Variants in IQCM observed in about 807,000 individuals in gnomAD.
IQCM encodes the protein IQ motif containing M.
IQCM carries 45 observed loss-of-function variants against 57.6 expected under a neutral mutation model. That is an observed-to-expected ratio of 0.78 (90% CI 0.62 to 1.00). The LOEUF is 1.00. IQCM is among the 50% of genes least tolerant of loss of function. The pLI, the probability that IQCM is intolerant of heterozygous loss-of-function variation, is 0.00. For synonymous variants in IQCM, 148 were observed against 158.9 expected (o/e 0.93, Z 0.51); for missense variants, 468 against 511.6 (o/e 0.91, Z 0.82).
intron 13 of IQCM, among the ~76,000 whole-genome samples, chr4:149,391,566 A>G (rs1731858740): frequency 1.3e-5 from 2 of 151,478 alleles, no homozygotes; most frequent in South Asian, 4.2e-4. Context: ...CTACTTCTGG[A>G]TTCATAAGGT....
chr4:149,431,931 T>TTTTATATA (rs1553963969), intron 13 of IQCM, among the ~76,000 whole-genome samples: 7 of 146,658 alleles, frequency 4.8e-5, no homozygotes, highest in African/African-American at 1.7e-4. Context: ...ATAATGTTGA[T>TTTTATATA]TATATATATA....
At chr4:149,396,044 GT>G (rs1195217168) in intron 13 of IQCM, among the ~76,000 whole-genome samples, 10 of 151,876 alleles carry the variant, frequency 6.6e-5, no homozygotes, top group South Asian at 6.2e-4. Context: ...TATATTTTTA[GT>G]TTTTTAACAG....
chr4:149,689,581 G>C (rs1035639448), intron 5 of IQCM, among the ~76,000 whole-genome samples: 1 of 151,852 alleles, frequency 6.6e-6, no homozygotes, highest in Non-Finnish European at 1.5e-5. Context: ...AAATATTTGG[G>C]ACTTAATTAA....
intron 12 of IQCM, among the ~76,000 whole-genome samples, chr4:149,503,490 ATAAAAT>A (rs1289561972): frequency 6.6e-6 from 1 of 152,174 alleles, no homozygotes; most frequent in African/African-American, 2.4e-5. Context: ...ATATTAAATA[ATAAAAT>A]TAAATGACAC....
rs557645857 is a variant in IQCM, at chr4:149,453,997, T to C, written c.1229-20440A>G. Reference sequence around the variant, plus strand: ...AACTGATGAGTAGGTAAACAAATGTTCATCAACTGATGAGTAGGTAAACAA... The same window carrying C: ...AACTGATGAGTAGGTAAACAAATGTCCATCAACTGATGAGTAGGTAAACAA... On this transcript the variant is annotated intron_variant, in intron 12 of 13. Transcript: ENST00000636793. 4.0e-5 allele frequency among the ~76,000 whole-genome samples: 6 copies of C among 151,874 alleles called. No individual in the cohort carries two copies. In the South Asian group the frequency reaches 1.2e-3, roughly 32 times the overall value.
At chr4:149,465,659 G>A (rs1738777104) in intron 12 of IQCM, among the ~76,000 whole-genome samples, 1 of 151,972 alleles carries the variant, frequency 6.6e-6, no homozygotes, top group Non-Finnish European at 1.5e-5. Context: ...CTACTTGTAG[G>A]ACCCTCTCCC....
At chr4:149,688,228 A>G (rs1468896544) in intron 5 of IQCM, among the ~76,000 whole-genome samples, 1 of 152,000 alleles carries the variant, frequency 6.6e-6, no homozygotes, top group African/African-American at 2.4e-5. Flanking sequence ...AAGTTCCTAG[A>G]ACTGATAAAA....
chr4:149,813,469 T>C (rs1297763552), intron 2 of IQCM, among the ~76,000 whole-genome samples: 1 of 151,988 alleles, frequency 6.6e-6, no homozygotes, highest in East Asian at 1.9e-4. Flanking sequence ...GAAAGCTCAA[T>C]CTTAAGTCAG....
intron 7 of IQCM, among the ~76,000 whole-genome samples, chr4:149,647,346 T>C (rs1214328081): frequency 6.6e-6 from 1 of 152,142 alleles, no homozygotes; most frequent in Admixed American, 6.5e-5. Flanking sequence ...AGAACATTTT[T>C]TTTTTATTCT....
chr4:149,457,761 TCTA>T (rs1477437518), intron 12 of IQCM, among the ~76,000 whole-genome samples: 1 of 152,066 alleles, frequency 6.6e-6, no homozygotes, highest in Admixed American at 6.6e-5. Context: ...ATTTTAGAAT[TCTA>T]CTGTTTTCTG....
At chr4:149,729,434 TA>T (rs1255183496) in intron 5 of IQCM, among the ~76,000 whole-genome samples, 1 of 151,890 alleles carries the variant, frequency 6.6e-6, no homozygotes, top group Non-Finnish European at 1.5e-5. Context: ...TGCCTGACAA[TA>T]ACCACACTCA....
intron 13 of IQCM, among the ~76,000 whole-genome samples, chr4:149,414,371 T>C (rs1366014645): frequency 6.6e-6 from 1 of 152,136 alleles, no homozygotes; most frequent in Non-Finnish European, 1.5e-5. Flanking sequence ...GAGATTTCCT[T>C]TCACGATGAC....
chr4:149,471,217 T>G, intron 12 of IQCM, among the ~76,000 whole-genome samples: 1 of 151,876 alleles, frequency 6.6e-6, no homozygotes, highest in South Asian at 2.1e-4. Flanking sequence ...TTGATAGACC[T>G]CTAGCAAGAC....
chr4:149,594,729 G>T (rs1753590840), intron 8 of IQCM, among the ~76,000 whole-genome samples: 1 of 152,154 alleles, frequency 6.6e-6, no homozygotes, highest in African/African-American at 2.4e-5. Flanking sequence ...TAGTCATTCA[G>T]GAGCAGGTTG....
In IQCM at chr4:149,588,009, A is replaced by G. The variant is rs1752795241; in HGVS notation, c.682-12T>C. 9.3e-6 allele frequency: 11 copies of G among 1,183,266 alleles called. No homozygotes were observed. The highest frequency in any genetic ancestry group is 6.4e-5 in the East Asian group (2 of 31,266). The allele number at this position is 1,183,266 out of a possible 1,614,324, so 73.3% of individuals were successfully genotyped here. On this transcript the variant is annotated splice_polypyrimidine_tract_variant and intron_variant, in intron 8 of 13. Coordinates refer to ENST00000636793, the MANE Select transcript of IQCM (RefSeq NM_001363507.2). ...GTTTTAAAGGTTTTCTATAATAAGG[A>G]AAAGAAGAGTTGACATAAGTAGAAA...
rs140939999 is a variant in IQCM at position 149,419,748 on chromosome 4, A to C, written c.1390+13648T>G. 7.8e-3 allele frequency among the ~76,000 whole-genome samples: 1,182 copies of C among 152,278 alleles called. 21 individuals carry two copies. Among genetic ancestry groups the C allele is most frequent in the African/African-American group, 0.027 (1,123 of 41,548 alleles). On this transcript the variant is annotated intron_variant, in intron 13 of 13. Coordinates refer to ENST00000636793, the MANE Select transcript of IQCM (RefSeq NM_001363507.2). ...AAATCTTGCAATCTACCCATCTGAC[A>C]AAGGTCTAATATCCAGAATCTACAA...
chr4:149,456,114 G>A (rs560463607), intron 12 of IQCM, among the ~76,000 whole-genome samples: 1 of 152,170 alleles, frequency 6.6e-6, no homozygotes, highest in South Asian at 2.1e-4. Context: ...AGTTTTACAT[G>A]ACATGAGAGT....
intron 13 of IQCM, among the ~76,000 whole-genome samples, chr4:149,379,075 G>C (rs1169619258): frequency 6.6e-6 from 1 of 152,176 alleles, no homozygotes; most frequent in Non-Finnish European, 1.5e-5. Flanking sequence ...GAGCCTGTGG[G>C]TGCACAAAAG....
At chr4:149,707,199 G>C (rs1764223539) in intron 5 of IQCM, among the ~76,000 whole-genome samples, 1 of 152,146 alleles carries the variant, frequency 6.6e-6, no homozygotes, top group South Asian at 2.1e-4. Context: ...AGTAGCATTA[G>C]GCTATGAACT....
Sources: allele counts gnomAD v4.1 joint callset (sites outside exome capture counted in the v4.1 genomes callset), GRCh38; gene constraint gnomAD v4.1.1; transcripts MANE v1.5; gene names NCBI Gene and HGNC (gene_info 2026-07-23, HGNC 2026-07-21).